Variants in POT1 observed in about 807,000 individuals in gnomAD.
POT1 encodes protection of telomeres 1.
POT1 carries 47 observed loss-of-function variants against 78.5 expected under a neutral mutation model. The observed-to-expected ratio is 0.60, with a 90% CI of 0.47 to 0.76. POT1 has a LOEUF of 0.76. Ranked by LOEUF, POT1 falls within the 30% of genes least tolerant of loss-of-function variation. POT1 has a pLI of 0.00. For synonymous variants in POT1, 259 were observed against 260.7 expected, an observed-to-expected ratio of 0.99 and a Z score of 0.06; for missense variants, 646 against 749.9, an observed-to-expected ratio of 0.86 and a Z score of 1.62.
chr7:124,921,239 A>G (rs1797142303), intron 2 of POT1, among the ~76,000 whole-genome samples: 1 of 152,202 alleles, frequency 6.6e-6, no homozygotes, highest in Non-Finnish European at 1.5e-5. Context: ...AAAGTATGTC[A>G]AAACTAGATG....
In POT1 at chr7:124,842,957, G is replaced by C; in HGVS notation, c.1013C>G (p.Thr338Arg). The part of the protein sequence containing the change: ...RCQQLSATIL[T>R]DHQYLERTPL... ...TGTCCTCTCCAAATACTGATGATCT[G>C]TAAGTACTGTAAAGAATTTTTATAT... Residue 338 changes from threonine to arginine, a missense_variant, in exon 13 of 19, where the codon ACA (threonine) becomes AGA (arginine). Thr to Arg is a moderately conservative substitution (Grantham distance 71, BLOSUM62 -1). This residue lies in a region of POT1 where 394 missense variants were observed against 408.4 expected (regional missense o/e 0.96). Transcript: ENST00000357628. 1 of 1,552,744 alleles carries C rather than the reference G, an allele frequency of 6.4e-7. No homozygotes were observed. Among genetic ancestry groups the C allele is most frequent in the South Asian group, 1.2e-5 (1 of 80,816 alleles).
chr7:124,908,852 T>C (rs1796826316), intron 3 of POT1, among the ~76,000 whole-genome samples: 1 of 151,926 alleles, frequency 6.6e-6, no homozygotes, highest in Admixed American at 6.6e-5. Context: ...TAAAATAAAA[T>C]AAACTGTACA....
chr7:124,879,431 C>T (rs868853623), intron 6 of POT1, among the ~76,000 whole-genome samples: 2 of 152,046 alleles, frequency 1.3e-5, no homozygotes, highest in African/African-American at 4.8e-5. Flanking sequence ...GTCTGTGCCA[C>T]GGTTTGGAAA....
intron 6 of POT1, among the ~76,000 whole-genome samples, chr7:124,883,315 C>G (rs1045812997): frequency 6.6e-6 from 1 of 151,648 alleles, no homozygotes; most frequent in African/African-American, 2.4e-5. Context: ...AGAGTTTTAC[C>G]AATTGGGGAA....
chr7:124,863,369 C>G lies in POT1; in HGVS notation c.527G>C (p.Gly176Ala). 1 of 1,612,654 alleles carries G rather than the reference C, an allele frequency of 6.2e-7. No individual in the cohort carries two copies. The highest frequency in any genetic ancestry group is 1.7e-5 in the Admixed American group (1 of 59,768). Residue 176 changes from glycine (G) to alanine (A), a missense_variant, in exon 8 of 19, where the codon GGA becomes GCA. By Grantham distance (60) the Gly-to-Ala change is moderately conservative. Coordinates refer to ENST00000357628, the MANE Select transcript of POT1 (RefSeq NM_015450.3). ...ATGTACCTTTAGAAGAAATGATGCT[C>G]CGTCCACTTCTGCTTTGCCCAAGAG... Reference protein sequence around the residue: ...CQLLGKAEVDGASFLLKVWDG... With the variant: ...CQLLGKAEVDAASFLLKVWDG...
chr7:124,891,701 G>A (rs959351551), intron 6 of POT1, among the ~76,000 whole-genome samples: 1 of 150,800 alleles, frequency 6.6e-6, no homozygotes, highest in Non-Finnish European at 1.5e-5. Flanking sequence ...TTTTCTTTGT[G>A]GTTACCATGG....
At chr7:124,878,660 A>G (rs1796046852) in intron 6 of POT1, among the ~76,000 whole-genome samples, 1 of 152,180 alleles carries the variant, frequency 6.6e-6, no homozygotes, top group South Asian at 2.1e-4. Context: ...ACACAACTAC[A>G]TATTTATATA....
intron 3 of POT1, among the ~76,000 whole-genome samples, chr7:124,910,480 C>T (rs1796865569): frequency 6.6e-6 from 1 of 151,786 alleles, no homozygotes; most frequent in Admixed American, 6.6e-5. Context: ...TACGAAGACA[C>T]TTTGCAATCT....
chr7:124,849,732 G>T (rs982361597), intron 11 of POT1, among the ~76,000 whole-genome samples: 1 of 151,836 alleles, frequency 6.6e-6, no homozygotes, highest in African/African-American at 2.4e-5. Flanking sequence ...TCTATTAAAT[G>T]AAAAATGAAA....
At chr7:124,926,530 T>A (rs1030637953) in intron 2 of POT1, among the ~76,000 whole-genome samples, 1 of 152,120 alleles carries the variant, frequency 6.6e-6, no homozygotes, top group African/African-American at 2.4e-5. Context: ...TAATGAGTTT[T>A]CGAATAACTA....
chr7:124,840,893 TA>T, intron 14 of POT1, 79 bp downstream of exon 14: 1 of 1,167,982 alleles, frequency 8.6e-7, no homozygotes, highest in Non-Finnish European at 1.2e-6. Flanking sequence ...AGGTTGTCTG[TA>T]AAATGTATTA....
intron 11 of POT1, among the ~76,000 whole-genome samples, chr7:124,851,427 C>A (rs1298617839): frequency 6.6e-6 from 1 of 152,142 alleles, no homozygotes; most frequent in Non-Finnish European, 1.5e-5. Context: ...AAGGACATAT[C>A]CCTCTGTTTG....
intron 14 of POT1, among the ~76,000 whole-genome samples, chr7:124,839,782 T>G (rs976136992): frequency 1.3e-5 from 2 of 152,140 alleles, no homozygotes; most frequent in African/African-American, 4.8e-5. Context: ...TTCCCCATTA[T>G]CAACATCTTG....
chr7:124,846,183 A>ACACACACACACACACC (rs71520316), intron 12 of POT1, among the ~76,000 whole-genome samples: 246 of 151,326 alleles, frequency 1.6e-3, no homozygotes, highest in African/African-American at 5.8e-3. Context: ...ACACACACAC[A>ACACACACACACACACC]CCCCTATAAT....
At chr7:124,899,588 ACT>A (rs1442586965) in intron 3 of POT1, among the ~76,000 whole-genome samples, 5 of 152,246 alleles carry the variant, frequency 3.3e-5, no homozygotes, top group Non-Finnish European at 5.9e-5. Flanking sequence ...TGAAGTATAC[ACT>A]CTGTTTTCAA....
intron 15 of POT1, among the ~76,000 whole-genome samples, chr7:124,831,800 G>A (rs189381508): frequency 2.9e-4 from 44 of 151,774 alleles, no homozygotes; most frequent in Non-Finnish European, 5.3e-4. Flanking sequence ...GGCATAGTAC[G>A]AAACAGTTTA....
chr7:124,830,108 A>G (rs957924695), intron 15 of POT1, among the ~76,000 whole-genome samples: 12 of 152,212 alleles, frequency 7.9e-5, no homozygotes, highest in African/African-American at 2.7e-4. Flanking sequence ...ATTTTTAGTA[A>G]GCACATATCC....
intron 6 of POT1, among the ~76,000 whole-genome samples, chr7:124,884,371 T>C (rs889690983): frequency 6.6e-6 from 1 of 152,146 alleles, no homozygotes; most frequent in Non-Finnish European, 1.5e-5. Flanking sequence ...GCTCAGTAAG[T>C]AGCTAAAACA....
intron 14 of POT1, among the ~76,000 whole-genome samples, chr7:124,839,412 A>G (rs1359285240): frequency 6.6e-6 from 1 of 152,248 alleles, no homozygotes; most frequent in Non-Finnish European, 1.5e-5. Context: ...AATAGTGTCA[A>G]CTGCATTAAC....
Sources: allele counts gnomAD v4.1 joint callset (sites outside exome capture counted in the v4.1 genomes callset), GRCh38; gene constraint gnomAD v4.1.1; regional missense constraint gnomAD v4.1.1; transcripts MANE v1.5; gene names NCBI Gene and HGNC (gene_info 2026-07-23, HGNC 2026-07-21).